FRMD3: variants seen among roughly 807,000 people sequenced by gnomAD.
FRMD3 encodes FERM domain containing 3.
FRMD3 carries 33 observed loss-of-function variants against 70.2 expected under a neutral mutation model. That is an observed-to-expected ratio of 0.47 (90% confidence interval 0.36 to 0.63). FRMD3 has a LOEUF of 0.63. Among genes scored for constraint, FRMD3 ranks in the 20% least tolerant of loss-of-function variants. FRMD3 has a pLI of 0.00. For synonymous variants in FRMD3, 279 were observed against 255.9 expected, an observed-to-expected ratio of 1.09 and a Z score of -0.86; for missense variants, 632 against 711.4, an observed-to-expected ratio of 0.89 and a Z score of 1.27.
At chr9:83,525,785 C>T (rs998294765) in intron 1 of FRMD3, among the ~76,000 whole-genome samples, 2 of 152,136 alleles carry the variant, frequency 1.3e-5, no homozygotes, top group African/African-American at 4.8e-5. Flanking sequence ...AAATAGAGAC[C>T]AGCTCTGGTT....
intron 13 of FRMD3, among the ~76,000 whole-genome samples, chr9:83,260,659 A>G (rs1389038259): frequency 6.6e-6 from 1 of 152,224 alleles, no homozygotes; most frequent in East Asian, 1.9e-4. Context: ...GAAGCCACAC[A>G]CATACACAAA....
At chr9:83,269,824 CCT>C (rs1001192022) in intron 13 of FRMD3, among the ~76,000 whole-genome samples, 2 of 152,096 alleles carry the variant, frequency 1.3e-5, no homozygotes, top group Non-Finnish European at 2.9e-5. Flanking sequence ...CACTTTTTCC[CCT>C]CTTAAACCTG....
At chr9:83,536,931 A>AC (rs1056162684) in intron 1 of FRMD3, among the ~76,000 whole-genome samples, 1 of 68,430 alleles carries the variant, frequency 1.5e-5, no homozygotes, top group Non-Finnish European at 2.8e-5. Context: ...GTATTACACT[A>AC]AAAAAAAAAA....
Position 83,406,012 on chromosome 9 carries a change from C to T in FRMD3, c.148-16304G>A, listed in dbSNP as rs1826092593. On this transcript the variant is annotated intron_variant, in intron 1 of 13. Transcript: ENST00000304195. The stretch of plus-strand genomic sequence containing the variant: ...TTTTTTTTTTCCAGCAATTCTATCA[C>T]ATTCCATTCTCCCTTCCTACTGCCC... Among the ~76,000 whole-genome samples, 5 of 152,174 alleles carry T rather than the reference C, an allele frequency of 3.3e-5. No individual in the cohort carries two copies. The South Asian group carries it at 1.0e-3, about 32-fold the overall frequency.
At chr9:83,316,760 A>G (rs921908550) in intron 6 of FRMD3, among the ~76,000 whole-genome samples, 9 of 152,166 alleles carry the variant, frequency 5.9e-5, no homozygotes, top group African/African-American at 2.2e-4. Flanking sequence ...GTAACAATGG[A>G]CTCAGGAAAA....
At chr9:83,572,010 T>A in the FRMD3 span, among the ~76,000 whole-genome samples, 13 of 152,208 alleles carry the variant, frequency 8.5e-5, no homozygotes, top group Non-Finnish European at 1.9e-4. Flanking sequence ...CCCAAGAATA[T>A]GTATTTCTTA....
intron 1 of FRMD3, among the ~76,000 whole-genome samples, chr9:83,429,110 C>T (rs867030537): frequency 9.8e-5 from 15 of 152,298 alleles, no homozygotes; most frequent in African/African-American, 3.4e-4. Context: ...TGAGAATTAA[C>T]GTGACTGATC....
At chr9:83,351,149 T>A (rs971955576) in intron 3 of FRMD3, 6 of 165,714 alleles carry the variant, frequency 3.6e-5, no homozygotes, top group Non-Finnish European at 6.2e-5. Context: ...TCTGGACTAC[T>A]CCAGATGTAG....
At chr9:83,378,511 T>A (rs1198816531) in intron 2 of FRMD3, among the ~76,000 whole-genome samples, 18 of 68,022 alleles carry the variant, frequency 2.6e-4, no homozygotes, top group Admixed American at 1.1e-3. Context: ...TTTATATATA[T>A]AATATACATA....
At chr9:83,401,657 G>A (rs1033443300) in intron 1 of FRMD3, among the ~76,000 whole-genome samples, 1 of 152,194 alleles carries the variant, frequency 6.6e-6, no homozygotes, top group Non-Finnish European at 1.5e-5. Context: ...GATGTGAAGG[G>A]ATTAAGGATT....
In FRMD3 at chr9:83,461,980, G is replaced by A. The variant is rs182447265; in HGVS notation, c.148-72272C>T. Among the ~76,000 whole-genome samples, 213 of 152,112 alleles carry A rather than the reference G, an allele frequency of 1.4e-3. 1 individual carries two copies. Among genetic ancestry groups the A allele is most frequent in the African/African-American group, 5.0e-3 (206 of 41,524 alleles). ...GGAATTACAGGAGTAAGCCACCAAT[G>A]CCTGGCAGCAATTTCTCAAAGATTC... On this transcript the variant is annotated intron_variant, in intron 1 of 13. Transcript: ENST00000304195.
chr9:83,435,451 C>T (rs72745085), intron 1 of FRMD3, among the ~76,000 whole-genome samples: 10,281 of 152,002 alleles, frequency 0.068, 407 homozygotes, highest in East Asian at 0.16. Flanking sequence ...TCAAGAGCTC[C>T]CTGACCACTG....
rs983012532 is a variant in FRMD3 at position 83,343,982 on chromosome 9, C to A, written c.375-695G>T. 2.4e-4 allele frequency among the ~76,000 whole-genome samples: 37 copies of A among 152,386 alleles called. 1 individual carries two copies. Among genetic ancestry groups the A allele is most frequent in the African/African-American group, 8.2e-4 (34 of 41,604 alleles). The stretch of plus-strand genomic sequence containing the variant: ...CCCTAGAAAGGGGGCAGCCACTGCA[C>A]AGCTCCAGCCTAGTGCTGCCACTAG... On this transcript the variant is annotated intron_variant, in intron 4 of 13. Transcript: ENST00000304195.
Position 83,246,176 on chromosome 9 carries a change from TG to T in FRMD3, c.*1741del, listed in dbSNP as rs1176168637. 6 of 985,222 alleles carry T rather than the reference TG, an allele frequency of 6.1e-6. No individual in the cohort carries two copies. Among genetic ancestry groups the T allele is most frequent in the Non-Finnish European group, 7.2e-6 (6 of 829,818 alleles). The allele number at this position is 985,222 out of a possible 1,614,324, so 61.0% of individuals were successfully genotyped here. A position where few individuals can be genotyped will look rare whatever the true frequency, so the allele number is the denominator to read the frequency against. On this transcript the variant is annotated 3_prime_UTR_variant, in exon 14 of 14. Transcript: ENST00000304195. Reference sequence around the variant, plus strand: ...AATCATGCTAATGATAGGGTTGGAATGTCATTAGCTAGAGAGAGCGATTCCA... The same window carrying T: ...AATCATGCTAATGATAGGGTTGGAATTCATTAGCTAGAGAGAGCGATTCCA...
At chr9:83,395,484 A>C (rs72745036) in intron 1 of FRMD3, among the ~76,000 whole-genome samples, 17,977 of 150,562 alleles carry the variant, frequency 0.12, 1,142 homozygotes, top group Non-Finnish European at 0.14. Flanking sequence ...CCCTCCTCCC[A>C]CTCTCCACCC....
the FRMD3 span, among the ~76,000 whole-genome samples, chr9:83,547,337 T>C: frequency 1.3e-5 from 2 of 148,396 alleles, 1 homozygote; most frequent in African/African-American, 4.9e-5. Context: ...TTATATATAA[T>C]TATTATATAA....
intron 3 of FRMD3, among the ~76,000 whole-genome samples, chr9:83,362,241 A>G (rs1824614832): frequency 6.6e-6 from 1 of 151,482 alleles, no homozygotes; most frequent in African/African-American, 2.4e-5. Context: ...TTGACAAAAA[A>G]TCATTCATTA....
At chr9:83,290,539 CCT>C in intron 13 of FRMD3, 62 bp downstream of exon 13, 1 of 1,594,738 alleles carries the variant, frequency 6.3e-7, no homozygotes, top group Non-Finnish European at 8.6e-7. Flanking sequence ...AGAATTGGCG[CCT>C]CCCTTGTTTT....
chr9:83,523,973 A>G (rs1221782744), intron 1 of FRMD3, among the ~76,000 whole-genome samples: 1 of 152,220 alleles, frequency 6.6e-6, no homozygotes, highest in African/African-American at 2.4e-5. Context: ...GTGGCATAAA[A>G]TAACCTGAAG....
Sources: allele counts gnomAD v4.1 joint callset (sites outside exome capture counted in the v4.1 genomes callset), GRCh38; gene constraint gnomAD v4.1.1; transcripts MANE v1.5; gene names NCBI Gene and HGNC (gene_info 2026-07-23, HGNC 2026-07-21).